CMTM4: variants seen among roughly 807,000 people sequenced by gnomAD.
CMTM4 encodes the protein CKLF like MARVEL transmembrane domain containing 4.
A neutral mutation model predicts 19.0 loss-of-function variants in CMTM4; 8 were observed. That is an observed-to-expected ratio of 0.42 (90% CI 0.25 to 0.76). CMTM4 has a LOEUF of 0.76. Ranked by LOEUF, CMTM4 falls within the 30% of genes least tolerant of loss-of-function variation. CMTM4 has a pLI of 0.27. For missense variants in CMTM4, 228 were observed against 290.2 expected (o/e 0.79, Z 1.56); for synonymous variants, 106 against 121.1 (o/e 0.88, Z 0.82).
Position 66,621,954 on chromosome 16 carries a change from A to G in CMTM4, c.*104T>C. 6.8e-7 allele frequency: 1 copy of G among 1,463,992 alleles called. No individual in the cohort carries two copies. Among genetic ancestry groups the G allele is most frequent in the Non-Finnish European group, 9.1e-7 (1 of 1,104,498 alleles). 90.7% of individuals were successfully genotyped at this position (1,463,992 alleles called of 1,614,324 possible). ...CCAAAATGAACTTTTACCAAAGAGGACAAAATTCAACTGAATCACATGGAA... is the reference window on the plus strand; with the variant it reads ...CCAAAATGAACTTTTACCAAAGAGGGCAAAATTCAACTGAATCACATGGAA... On this transcript the variant is annotated 3_prime_UTR_variant, in exon 4 of 4. Coordinates refer to ENST00000394106, the MANE Select transcript of CMTM4 (RefSeq NM_181521.3).
chr16:66,636,602 A>G (rs749039105), intron 1 of CMTM4, 21 bp from the exon 2 acceptor site: 4 of 1,603,944 alleles, frequency 2.5e-6, no homozygotes, highest in East Asian at 4.5e-5. Flanking sequence ...AATTGGAAAC[A>G]TATATGTACG....
In CMTM4 at chr16:66,620,578, C is replaced by A; in HGVS notation, c.*1480G>T. On this transcript the variant is annotated 3_prime_UTR_variant, in exon 4 of 4. Coordinates refer to ENST00000394106, the MANE Select transcript of CMTM4 (RefSeq NM_181521.3). The stretch of plus-strand genomic sequence containing the variant: ...TAAGGTGACGCTTTCTTGCACAGAC[C>A]CCCCGCCGCCCCCTCGGAGTTATTT... 1 of 985,480 alleles carries A rather than the reference C, an allele frequency of 1.0e-6. No homozygotes were observed. The highest frequency in any genetic ancestry group is 1.2e-6 in the Non-Finnish European group (1 of 829,972). The allele number at this position is 985,480 out of a possible 1,614,324, so 61.0% of individuals were successfully genotyped here.
chr16:66,612,640 G>T (rs753083792), downstream of CMTM4: 2 of 1,613,854 alleles, frequency 1.2e-6, no homozygotes, highest in East Asian at 2.2e-5. The surrounding 1 kb of genome is among the most constrained non-coding windows in gnomAD (Gnocchi z 6.0). Flanking sequence ...CTGACTGAAG[G>T]CCTGGCGGGT....
chr16:66,611,283 T>C (rs1278549731), downstream of CMTM4, among the ~76,000 whole-genome samples: 6 of 151,952 alleles, frequency 3.9e-5, no homozygotes, highest in East Asian at 7.7e-4. Context: ...TGAAACCCCA[T>C]CTCTACTAAA....
chr16:66,608,697 G>A, the CMTM4 span, among the ~76,000 whole-genome samples: 4 of 152,208 alleles, frequency 2.6e-5, no homozygotes, highest in Non-Finnish European at 5.9e-5. The surrounding 1 kb of genome is among the most constrained non-coding windows in gnomAD (Gnocchi z 5.1). Context: ...CAGGGAACCC[G>A]GAGAGGGGTC....
At chr16:66,626,585 G>A (rs1013305542) in intron 2 of CMTM4, among the ~76,000 whole-genome samples, 4 of 151,816 alleles carry the variant, frequency 2.6e-5, no homozygotes, top group African/African-American at 4.8e-5. Flanking sequence ...CAGCCTGGGC[G>A]ACAGAGTGAG....
chr16:66,647,670 C>A (rs1197536503), intron 1 of CMTM4, among the ~76,000 whole-genome samples: 1 of 152,094 alleles, frequency 6.6e-6, no homozygotes, highest in Non-Finnish European at 1.5e-5. Context: ...ATCACCCACA[C>A]AAAACACCAG....
chr16:66,609,701 G>A, the CMTM4 span: 1 of 1,547,340 alleles, frequency 6.5e-7, no homozygotes, highest in African/African-American at 1.4e-5. This position sits in a 1 kb window ranked among gnomAD's most constrained non-coding sequence, Gnocchi z 4.4. Context: ...CCGGGGTTTT[G>A]AAAGGCTGTT....
At chr16:66,661,917 A>T (rs574909584) in intron 1 of CMTM4, among the ~76,000 whole-genome samples, 1 of 152,294 alleles carries the variant, frequency 6.6e-6, no homozygotes, top group South Asian at 2.1e-4. Context: ...TGGGCAACAG[A>T]GCAAGACTCT....
chr16:66,623,315 G>A, intron 3 of CMTM4, 89 bp downstream of exon 3: 3 of 876,824 alleles, frequency 3.4e-6, no homozygotes, highest in South Asian at 3.4e-5. Flanking sequence ...AAAGCCACAG[G>A]AGGGGGAGCA....
chr16:66,611,141 C>A, downstream of CMTM4: 1 of 351,232 alleles, frequency 2.8e-6, no homozygotes, highest in Non-Finnish European at 5.1e-6. Context: ...TAAAATTATT[C>A]TTGACTTATA....
chr16:66,604,866 G>A, the CMTM4 span: 12 of 1,400,444 alleles, frequency 8.6e-6, no homozygotes, highest in East Asian at 1.2e-4. Flanking sequence ...CTCCCGTCCC[G>A]GCCCCGCGGT....
At chr16:66,623,737 C>T (rs931290019) in intron 2 of CMTM4, among the ~76,000 whole-genome samples, 5 of 152,208 alleles carry the variant, frequency 3.3e-5, no homozygotes, top group Admixed American at 3.3e-4. Context: ...CCCCACTACC[C>T]TTTCTGAAGA....
At chr16:66,689,551 C>T (rs917708878) in intron 1 of CMTM4, among the ~76,000 whole-genome samples, 1 of 151,996 alleles carries the variant, frequency 6.6e-6, no homozygotes, top group Admixed American at 6.6e-5. Context: ...GGACTACAGG[C>T]ATGCACAACC....
intron 1 of CMTM4, among the ~76,000 whole-genome samples, chr16:66,658,501 C>G (rs913751209): frequency 6.6e-6 from 1 of 152,178 alleles, no homozygotes; most frequent in Non-Finnish European, 1.5e-5. Context: ...CCAGTTTTAT[C>G]GCTCTGTGAT....
downstream of CMTM4, chr16:66,610,892 T>G (rs941643117): frequency 1.8e-5 from 7 of 398,426 alleles, no homozygotes; most frequent in Non-Finnish European, 3.1e-5. The surrounding 1 kb of genome is among the most constrained non-coding windows in gnomAD (Gnocchi z 4.6). Context: ...CCAGAAACCG[T>G]CCTTCTGCTG....
rs1366193907 is a variant in CMTM4, at chr16:66,618,265, C to T, written c.*3793G>A. ...AGAAACTTTTTCCCCTTTCTGATAC[C>T]TGTTTAACGTCATTATTACTCTGTA... is the stretch of plus-strand genomic sequence containing the variant. On this transcript the variant is annotated 3_prime_UTR_variant, in exon 4 of 4. Coordinates refer to ENST00000394106, the MANE Select transcript of CMTM4 (RefSeq NM_181521.3). The T allele has an allele frequency of 1.7e-5, 17 of 985,332 alleles. No individual in the cohort carries two copies. The highest frequency in any genetic ancestry group is 2.0e-5 in the Non-Finnish European group (17 of 829,948). The allele number at this position is 985,332 out of a possible 1,614,324, so 61.0% of individuals were successfully genotyped here. A position where few individuals can be genotyped will look rare whatever the true frequency, so the allele number is the denominator to read the frequency against.
At chr16:66,643,986 C>T (rs1190262787) in intron 1 of CMTM4, among the ~76,000 whole-genome samples, 3 of 152,016 alleles carry the variant, frequency 2.0e-5, no homozygotes, top group Non-Finnish European at 4.4e-5. Context: ...ACTCCTGACC[C>T]CAGGTGATCC....
chr16:66,696,551 G>T lies in CMTM4; in HGVS notation c.-26C>A, dbSNP rs566567734. On this transcript the variant is annotated 5_prime_UTR_variant, in exon 1 of 4. Coordinates refer to ENST00000394106, the MANE Select transcript of CMTM4 (RefSeq NM_181521.3). This position sits in a 1 kb window ranked among gnomAD's most constrained non-coding sequence, Gnocchi z 4.3. ...GCTGCCGCCCGGCCCGGGCCGCCTC[G>T]CGCGGCTGGCTCCCGGCGCCAGGAG... is the stretch of plus-strand genomic sequence containing the variant. The T allele has an allele frequency of 1.7e-4, 196 of 1,166,148 alleles. No individual in the cohort carries two copies. The highest frequency in any genetic ancestry group is 3.5e-4 in the Middle Eastern group (1 of 2,868). The allele number at this position is 1,166,148 out of a possible 1,614,324, so 72.2% of individuals were successfully genotyped here. A position where few individuals can be genotyped will look rare whatever the true frequency, so the allele number is the denominator to read the frequency against.
Sources: allele counts gnomAD v4.1 joint callset (sites outside exome capture counted in the v4.1 genomes callset), GRCh38; gene constraint gnomAD v4.1.1; non-coding constraint Gnocchi (gnomAD v3.1); transcripts MANE v1.5; gene names NCBI Gene and HGNC (gene_info 2026-07-23, HGNC 2026-07-21).